The following SSBP2 variants were observed in gnomAD, a reference collection of about 807,000 sequenced individuals.
The protein encoded by SSBP2 is single-stranded DNA-binding protein 2.
Under a neutral mutation model 61.8 loss-of-function variants are expected in SSBP2, and 17 were observed. That is an observed-to-expected ratio of 0.28 (90% CI 0.19 to 0.41). SSBP2 has a LOEUF of 0.41. Among genes scored for constraint, SSBP2 ranks in the 10% least tolerant of loss-of-function variants. SSBP2 has a pLI of 1.00. For missense variants in SSBP2, 310 were observed against 458.7 expected, an observed-to-expected ratio of 0.68 and a Z score of 2.96; for synonymous variants, 139 against 141.3, an observed-to-expected ratio of 0.98 and a Z score of 0.12.
intron 3 of SSBP2, among the ~76,000 whole-genome samples, chr5:81,617,982 C>T (rs1274539342): frequency 7.4e-6 from 1 of 134,598 alleles, no homozygotes; most frequent in Non-Finnish European, 1.6e-5. Context: ...CAACCGGTAC[C>T]AGCTGCTGCA....
chr5:81,722,335 T>C (rs1344874693), intron 1 of SSBP2, among the ~76,000 whole-genome samples: 1 of 151,844 alleles, frequency 6.6e-6, no homozygotes, highest in African/African-American at 2.4e-5. Context: ...TACAGGCACA[T>C]TGTGAAAGTT....
At chr5:81,562,707 A>T (rs1773142868) in intron 4 of SSBP2, among the ~76,000 whole-genome samples, 1 of 152,206 alleles carries the variant, frequency 6.6e-6, no homozygotes, top group Non-Finnish European at 1.5e-5. Flanking sequence ...ACAATTTAAA[A>T]GTTAATTTAA....
At chr5:81,448,523 C>A (rs1054298586) in intron 11 of SSBP2, among the ~76,000 whole-genome samples, 5 of 152,172 alleles carry the variant, frequency 3.3e-5, no homozygotes, top group African/African-American at 1.2e-4. Context: ...GGATTACTCT[C>A]TTCATGATTG....
At chr5:81,641,653 A>G (rs1348537487) in intron 2 of SSBP2, among the ~76,000 whole-genome samples, 2 of 152,236 alleles carry the variant, frequency 1.3e-5, no homozygotes, top group Non-Finnish European at 2.9e-5. Flanking sequence ...GGTGCTCAAG[A>G]AGAGCCAAAA....
At chr5:81,606,109 G>A (rs989454766) in intron 4 of SSBP2, among the ~76,000 whole-genome samples, 2 of 152,076 alleles carry the variant, frequency 1.3e-5, no homozygotes, top group South Asian at 4.1e-4. Flanking sequence ...TCTAGGAGTT[G>A]GCTAAGAGTA....
At chr5:81,612,064 T>C (rs1745505976) in intron 4 of SSBP2, among the ~76,000 whole-genome samples, 1 of 152,152 alleles carries the variant, frequency 6.6e-6, no homozygotes, top group African/African-American at 2.4e-5. Context: ...CAGATAAGTT[T>C]ATGGCATTGG....
intron 8 of SSBP2, 23 bp downstream of exon 8, chr5:81,473,677 G>T: frequency 6.2e-7 from 1 of 1,610,640 alleles, no homozygotes; most frequent in South Asian, 1.1e-5. Flanking sequence ...CTTTGCTATT[G>T]TAAATATGCA....
At chr5:81,451,008 A>C (rs1218933429) in intron 10 of SSBP2, among the ~76,000 whole-genome samples, 1 of 152,236 alleles carries the variant, frequency 6.6e-6, no homozygotes, top group Non-Finnish European at 1.5e-5. Context: ...AAAGCCTTGA[A>C]GCTTACTGGT....
chr5:81,714,993 G>C (rs1280198525), intron 1 of SSBP2, among the ~76,000 whole-genome samples: 3 of 152,012 alleles, frequency 2.0e-5, no homozygotes, highest in African/African-American at 7.2e-5. Flanking sequence ...AGGGTTGGAA[G>C]ATAAAACTGA....
intron 4 of SSBP2, among the ~76,000 whole-genome samples, chr5:81,611,190 T>C (rs1328782334): frequency 2.0e-5 from 3 of 152,210 alleles, no homozygotes; most frequent in Non-Finnish European, 4.4e-5. Context: ...AAACCTCTAA[T>C]CTCAGTTGTC....
At chr5:81,565,555 T>C (rs1773357768) in intron 4 of SSBP2, among the ~76,000 whole-genome samples, 1 of 152,174 alleles carries the variant, frequency 6.6e-6, no homozygotes, top group Non-Finnish European at 1.5e-5. Context: ...TATAAATCTA[T>C]CCTTAACCAC....
At chr5:81,437,503 A>C in intron 14 of SSBP2, 45 bp from the exon 15 acceptor site, 1 of 1,523,080 alleles carries the variant, frequency 6.6e-7, no homozygotes, top group South Asian at 1.2e-5. Context: ...GTAAGATTTC[A>C]TTTATAAATT....
intron 6 of SSBP2, among the ~76,000 whole-genome samples, chr5:81,475,326 C>T (rs1014029580): frequency 6.6e-6 from 1 of 152,088 alleles, no homozygotes; most frequent in African/African-American, 2.4e-5. Context: ...AAAGTTATAT[C>T]TAATTAGTTA....
At chr5:81,475,015 T>C (rs1765494800) in intron 6 of SSBP2, among the ~76,000 whole-genome samples, 1 of 152,150 alleles carries the variant, frequency 6.6e-6, no homozygotes, top group African/African-American at 2.4e-5. Flanking sequence ...GTAGTCACAG[T>C]TTCCCTAAGA....
intron 1 of SSBP2, among the ~76,000 whole-genome samples, chr5:81,662,185 G>A (rs1329160541): frequency 6.6e-6 from 1 of 152,064 alleles, no homozygotes; most frequent in African/African-American, 2.4e-5. Flanking sequence ...TTTCCAATTG[G>A]CCAGGTGTGG....
rs896034704 is a variant in SSBP2, at chr5:81,418,792, C to T, written c.*1712G>A. 6.6e-6 allele frequency: 1 copy of T among 152,164 alleles called. No individual in the cohort carries two copies. Among genetic ancestry groups the T allele is most frequent in the African/African-American group, 2.4e-5 (1 of 41,446 alleles). 9.4% of individuals were successfully genotyped at this position (152,164 alleles called of 1,614,324 possible). A position where few individuals can be genotyped will look rare whatever the true frequency, so the allele number is the denominator to read the frequency against. On this transcript the variant is annotated 3_prime_UTR_variant, in exon 17 of 17. Coordinates refer to ENST00000320672, the MANE Select transcript of SSBP2 (RefSeq NM_012446.5). ...AATATGGTATTATAATCTTATAGGA[C>T]CACTGCTGTATATGCAGTCTGTGGT...
chr5:81,461,186 ATTTAT>A (rs1211901287), intron 9 of SSBP2, 83 bp from the exon 10 acceptor site: 4 of 1,088,340 alleles, frequency 3.7e-6, no homozygotes, highest in Non-Finnish European at 5.2e-6. Context: ...AAAATATAAC[ATTTAT>A]AATTCAGTTA....
At chr5:81,464,547 C>A (rs1012450573) in intron 9 of SSBP2, among the ~76,000 whole-genome samples, 1 of 151,974 alleles carries the variant, frequency 6.6e-6, no homozygotes, top group Non-Finnish European at 1.5e-5. Context: ...ATTTATTCTG[C>A]AATAAAGAAA....
rs557324215 is a variant in SSBP2, at chr5:81,532,374, G to A, written c.283-18657C>T. ...ACATCAGCCACAATTTTCTAAGTCTGAACTTTGTTTTCAAGGAAAATTATA... is the reference window on the plus strand; with the variant it reads ...ACATCAGCCACAATTTTCTAAGTCTAAACTTTGTTTTCAAGGAAAATTATA... On this transcript the variant is annotated intron_variant, in intron 4 of 16. Coordinates refer to ENST00000320672, the MANE Select transcript of SSBP2 (RefSeq NM_012446.5). Among the ~76,000 whole-genome samples, 29 of 152,054 alleles carry A rather than the reference G, an allele frequency of 1.9e-4. No homozygotes were observed. In the South Asian group the frequency reaches 6.0e-3, roughly 32 times the overall value.
Sources: gnomAD v4.1 joint callset for allele counts (sites outside exome capture counted in the v4.1 genomes callset) on GRCh38, gnomAD v4.1.1 for gene constraint, MANE v1.5 for transcripts, NCBI Gene and HGNC (gene_info 2026-07-23, HGNC 2026-07-21) for gene names.